Variants in ANKH observed in about 807,000 individuals in gnomAD.
The protein encoded by ANKH is mineralization regulator ANKH.
A neutral mutation model predicts 49.0 loss-of-function variants in ANKH; 15 were observed. The ratio of observed to expected loss-of-function variants is 0.31; its 90% CI spans 0.20 to 0.47. The LOEUF (loss-of-function observed/expected upper bound fraction) is 0.47. ANKH is among the 20% of genes least tolerant of loss of function. ANKH has a pLI of 1.00. For missense variants in ANKH, 429 were observed against 652.0 expected (o/e 0.66, Z 3.72); for synonymous variants, 273 against 260.0 (o/e 1.05, Z -0.48).
intron 5 of ANKH, 110 bp from the exon 6 acceptor site, chr5:14,749,416 A>C: frequency 8.1e-7 from 1 of 1,230,930 alleles, no homozygotes; most frequent in Non-Finnish European, 1.2e-6. Context: ...CCAATTCACT[A>C]TACTTGAAAG....
intron 2 of ANKH, chr5:14,768,149 T>C (rs887295945): frequency 2.0e-5 from 3 of 152,248 alleles, no homozygotes; most frequent in Non-Finnish European, 4.4e-5. Context: ...AAACACACTG[T>C]AAACGGTCTG....
At position 14,708,458 on chromosome 5, in the gene ANKH, T is replaced by C. The variant is rs1737025522; in HGVS notation, c.*2739A>G. 6.6e-6 allele frequency: 1 copy of C among 152,202 alleles called. No homozygotes were observed. Among genetic ancestry groups the C allele is most frequent in the Non-Finnish European group, 1.5e-5 (1 of 68,036 alleles). The allele number at this position is 152,202 out of a possible 1,614,324, so 9.4% of individuals were successfully genotyped here. On this transcript the variant is annotated 3_prime_UTR_variant, in exon 12 of 12. Transcript: ENST00000284268. Reference sequence around the variant, plus strand: ...TGCCCTACAATGAAAAATAAATGTTTTGGGGGAATGTTTCTTTGGTCACAA... The same window carrying C: ...TGCCCTACAATGAAAAATAAATGTTCTGGGGGAATGTTTCTTTGGTCACAA...
chr5:14,796,058 T>C (rs1468758254), intron 1 of ANKH, among the ~76,000 whole-genome samples: 1 of 152,170 alleles, frequency 6.6e-6, no homozygotes, highest in African/African-American at 2.4e-5. Context: ...GCTGAAAAAA[T>C]TCTTTTCGAC....
intron 1 of ANKH, among the ~76,000 whole-genome samples, chr5:14,801,298 A>G (rs1740560645): frequency 1.3e-5 from 2 of 152,160 alleles, no homozygotes; most frequent in African/African-American, 4.8e-5. Context: ...GACCTCCCTA[A>G]AAACAAATCC....
chr5:14,713,118 A>G lies in ANKH; in HGVS notation c.1266-145T>C, dbSNP rs1737301487. ...CATCTGCTGGCTTCGTAAGGGCCGC[A>G]GCTAATAACCTAATGTGTGAGGGGA... is the stretch of plus-strand genomic sequence containing the variant. On this transcript the variant is annotated intron_variant, in intron 10 of 11. Coordinates refer to ENST00000284268, the MANE Select transcript of ANKH (RefSeq NM_054027.6). The surrounding 1 kb of genome is among the most constrained non-coding windows in gnomAD (Gnocchi z 4.4). 1.2e-6 allele frequency: 1 copy of G among 810,950 alleles called. No individual in the cohort carries two copies. The highest frequency in any genetic ancestry group is 2.7e-5 in the East Asian group (1 of 37,282). 50.2% of individuals were successfully genotyped at this position (810,950 alleles called of 1,614,324 possible). A position where few individuals can be genotyped will look rare whatever the true frequency, so the allele number is the denominator to read the frequency against.
intron 1 of ANKH, among the ~76,000 whole-genome samples, chr5:14,829,177 T>C (rs1281857143): frequency 1.6e-4 from 16 of 99,410 alleles, no homozygotes; most frequent in Middle Eastern, 6.0e-3. Context: ...AGAGAGAGAC[T>C]CTGTCTCAAA....
rs1379233165 is a variant in ANKH at position 14,757,430 on chromosome 5, A to ATATATATATAT, written c.432+1049_432+1050insATATATATATA. 4.8e-4 allele frequency among the ~76,000 whole-genome samples: 55 copies of ATATATATATAT among 113,790 alleles called. 1 individual carries two copies. Among genetic ancestry groups the ATATATATATAT allele is most frequent in the African/African-American group, 1.8e-3 (54 of 30,202 alleles). 74.7% of individuals were successfully genotyped at this position (113,790 alleles called of 152,430 possible). A position where few individuals can be genotyped will look rare whatever the true frequency, so the allele number is the denominator to read the frequency against. ...TATTGGAACATATATATATATATAT[A>ATATATATATAT]TTTTTTTTTTTTTTTTTTTGCTAAG... is the stretch of plus-strand genomic sequence containing the variant. On this transcript the variant is annotated intron_variant, in intron 3 of 11. Transcript: ENST00000284268.
intron 1 of ANKH, among the ~76,000 whole-genome samples, chr5:14,837,743 A>G (rs1342284129): frequency 6.6e-6 from 1 of 152,224 alleles, no homozygotes; most frequent in Admixed American, 6.5e-5. Flanking sequence ...AGAACTAGAA[A>G]TACCATTTGA....
At chr5:14,749,130 C>A (rs776360921) in intron 6 of ANKH, 42 bp downstream of exon 6, 3 of 1,613,666 alleles carry the variant, frequency 1.9e-6, no homozygotes, top group Non-Finnish European at 8.5e-7. Flanking sequence ...CCCTGCCCCA[C>A]CAAGGTGATC....
At chr5:14,774,907 G>A (rs975318261) in intron 1 of ANKH, among the ~76,000 whole-genome samples, 1 of 151,750 alleles carries the variant, frequency 6.6e-6, no homozygotes, top group African/African-American at 2.4e-5. Context: ...CATTTACTGT[G>A]ATATGTACTG....
chr5:14,709,801 A>C lies in ANKH; in HGVS notation c.*1396T>G, dbSNP rs1193237013. 6.5e-6 allele frequency: 1 copy of C among 152,678 alleles called. No individual in the cohort carries two copies. Among genetic ancestry groups the C allele is most frequent in the East Asian group, 1.9e-4 (1 of 5,196 alleles). The allele number at this position is 152,678 out of a possible 1,614,324, so 9.5% of individuals were successfully genotyped here. A position where few individuals can be genotyped will look rare whatever the true frequency, so the allele number is the denominator to read the frequency against. On this transcript the variant is annotated 3_prime_UTR_variant, in exon 12 of 12. Transcript: ENST00000284268. Reference sequence around the variant, plus strand: ...TTTCAACTGCAGGTATGTTGAGCACACAAGCAATCACCGTATTGTATTAGA... The same window carrying C: ...TTTCAACTGCAGGTATGTTGAGCACCCAAGCAATCACCGTATTGTATTAGA...
intron 1 of ANKH, among the ~76,000 whole-genome samples, chr5:14,794,722 A>G (rs920224253): frequency 3.3e-5 from 5 of 152,252 alleles, no homozygotes; most frequent in Admixed American, 2.6e-4. Flanking sequence ...TGCAAGTCAT[A>G]TAAGAAGCTT....
rs1262647209 is a variant in ANKH, at chr5:14,769,844, G to C, written c.97-653C>G. Among the ~76,000 whole-genome samples the C allele has an allele frequency of 2.6e-5, 4 of 152,276 alleles. No individual in the cohort carries two copies. In the East Asian group the frequency reaches 7.7e-4, roughly 29 times the overall value. On this transcript the variant is annotated intron_variant, in intron 1 of 11. Coordinates refer to ENST00000284268, the MANE Select transcript of ANKH (RefSeq NM_054027.6). ...GACAAATATGAAAAGAACACCTTTA[G>C]ACTAAAAAATAAATGTTTTTGGATA...
At position 14,733,810 on chromosome 5, in the gene ANKH, C is replaced by A. The variant is rs187714929; in HGVS notation, c.1011+8017G>T. On this transcript the variant is annotated intron_variant, in intron 8 of 11. Transcript: ENST00000284268. ...TCACAGCCTCCGAGCTGGTGCTGGG[C>A]TCGGAAAGCCAAGAGGCCAGAGGCG... Among the ~76,000 whole-genome samples, 388 of 152,332 alleles carry A rather than the reference C, an allele frequency of 2.5e-3. 2 individuals are homozygous for A. The highest frequency in any genetic ancestry group is 3.3e-3 in the Non-Finnish European group (226 of 68,038).
intron 1 of ANKH, among the ~76,000 whole-genome samples, chr5:14,819,871 TAACAAC>T (rs199545884): frequency 8.9e-5 from 13 of 145,790 alleles, no homozygotes; most frequent in African/African-American, 1.3e-4. Flanking sequence ...GTCTCAACAA[TAACAAC>T]AACAACAACA....
chr5:14,733,279 G>T (rs1738062356), intron 8 of ANKH, among the ~76,000 whole-genome samples: 1 of 152,186 alleles, frequency 6.6e-6, no homozygotes, highest in African/African-American at 2.4e-5. Context: ...GACCCCAGAA[G>T]AATTTCATGG....
At chr5:14,825,604 C>G (rs1304511447) in intron 1 of ANKH, among the ~76,000 whole-genome samples, 3 of 152,184 alleles carry the variant, frequency 2.0e-5, no homozygotes, top group Non-Finnish European at 4.4e-5. Context: ...CCTCCTGCAT[C>G]AGCCTCTCAA....
intron 1 of ANKH, among the ~76,000 whole-genome samples, chr5:14,777,146 G>A (rs978191824): frequency 4.9e-5 from 3 of 61,164 alleles, no homozygotes; most frequent in South Asian, 8.5e-4. Flanking sequence ...TTAGCCGGGC[G>A]TGGTGGGGGG....
chr5:14,741,400 G>A (rs1738350066), intron 8 of ANKH: 2 of 228,438 alleles, frequency 8.8e-6, no homozygotes, highest in South Asian at 5.9e-5. Context: ...TGATGGCCAC[G>A]TAAGTAAGCT....
Sources: allele counts gnomAD v4.1 joint callset (sites outside exome capture counted in the v4.1 genomes callset), GRCh38; gene constraint gnomAD v4.1.1; non-coding constraint Gnocchi (gnomAD v3.1); transcripts MANE v1.5; gene names NCBI Gene and HGNC (gene_info 2026-07-23, HGNC 2026-07-21).